Variants in DTNBP1 observed in about 807,000 individuals in gnomAD.
The protein encoded by DTNBP1 is dysbindin.
In DTNBP1, 35 loss-of-function variants were observed where a neutral mutation model predicts 42.8. The observed-to-expected ratio is 0.82, with a 90% CI of 0.63 to 1.09. The LOEUF (loss-of-function observed/expected upper bound fraction) is 1.09, where lower values mean the gene tolerates loss of function less well. Among genes scored for constraint, DTNBP1 ranks in the 50% least tolerant of loss-of-function variants. The probability of loss-of-function intolerance (pLI) is 0.00; values close to 1 mark genes in which losing one functional copy is unlikely to be tolerated. For missense variants in DTNBP1, 457 were observed against 424.2 expected (o/e 1.08, Z -0.68); for synonymous variants, 171 against 162.2 (o/e 1.05, Z -0.41).
chr6:15,541,802 G>C (rs1419813247), intron 7 of DTNBP1, among the ~76,000 whole-genome samples: 1 of 151,906 alleles, frequency 6.6e-6, no homozygotes, highest in Non-Finnish European at 1.5e-5. Flanking sequence ...CAAGATATAT[G>C]AAATTAAAAA....
intron 6 of DTNBP1, among the ~76,000 whole-genome samples, chr6:15,610,162 T>C (rs773392106): frequency 6.6e-6 from 1 of 152,346 alleles, no homozygotes; most frequent in African/African-American, 2.4e-5. Flanking sequence ...GGTGATCACC[T>C]GGCTAAGCGG....
rs1254008774 is a variant in DTNBP1, at chr6:15,623,488, G to A, written c.355+3855C>T. Among the ~76,000 whole-genome samples, 3 of 152,150 alleles carry A rather than the reference G, an allele frequency of 2.0e-5. No homozygotes were observed. In the East Asian group the frequency reaches 5.8e-4, roughly 29 times the overall value. On this transcript the variant is annotated intron_variant, in intron 5 of 9. Transcript: ENST00000344537. Reference sequence around the variant, plus strand: ...CGCTTGAGTCCAGGAATAGTCTGAGGCTGCAGTGAGCTATGATCACATCAC... The same window carrying A: ...CGCTTGAGTCCAGGAATAGTCTGAGACTGCAGTGAGCTATGATCACATCAC...
intron 7 of DTNBP1, among the ~76,000 whole-genome samples, chr6:15,576,929 T>C (rs943109074): frequency 6.6e-6 from 1 of 152,198 alleles, no homozygotes; most frequent in Non-Finnish European, 1.5e-5. Flanking sequence ...CCAATCACTA[T>C]TCTAGGCCCA....
At chr6:15,643,369 ATT>A (rs1201964198) in intron 3 of DTNBP1, among the ~76,000 whole-genome samples, 6 of 152,212 alleles carry the variant, frequency 3.9e-5, no homozygotes, top group Non-Finnish European at 8.8e-5. Flanking sequence ...TGGAAAACAT[ATT>A]TGAGGGAATA....
intron 9 of DTNBP1, chr6:15,523,663 A>G: frequency 7.8e-7 from 1 of 1,287,236 alleles, no homozygotes; most frequent in African/African-American, 1.5e-5. Context: ...GGAACTAAAT[A>G]GGCTCTTCAA....
chr6:15,548,456 C>CACACACAG (rs1193913284), intron 7 of DTNBP1: 2 of 151,472 alleles, frequency 1.3e-5, no homozygotes, highest in African/African-American at 4.9e-5. Context: ...CACACACACA[C>CACACACAG]ACACACACAC....
At chr6:15,650,875 C>T (rs1033860342) in intron 3 of DTNBP1, among the ~76,000 whole-genome samples, 3 of 152,044 alleles carry the variant, frequency 2.0e-5, no homozygotes, top group Non-Finnish European at 2.9e-5. Flanking sequence ...TTGACCAAGT[C>T]CATTGTGTCT....
chr6:15,609,991 T>C lies in DTNBP1; in HGVS notation c.488+5276A>G, dbSNP rs192834067. Among the ~76,000 whole-genome samples the C allele has an allele frequency of 5.3e-5, 8 of 152,296 alleles. No homozygotes were observed. In the East Asian group the frequency reaches 1.5e-3, roughly 29 times the overall value. Reference sequence around the variant, plus strand: ...TGGCTGCCGGAGTTCTGGGACCTACTGGGGAAAAGGGCCTAAACAGTCTTA... The same window carrying C: ...TGGCTGCCGGAGTTCTGGGACCTACCGGGGAAAAGGGCCTAAACAGTCTTA... On this transcript the variant is annotated intron_variant, in intron 6 of 9. Coordinates refer to ENST00000344537, the MANE Select transcript of DTNBP1 (RefSeq NM_032122.5).
intron 6 of DTNBP1, chr6:15,615,020 C>A: frequency 1.7e-6 from 1 of 605,174 alleles, no homozygotes; most frequent in Non-Finnish European, 3.0e-6. Flanking sequence ...AAACTTTGCC[C>A]TGTGCTCCAC....
At chr6:15,553,406 T>C (rs1157523831) in intron 7 of DTNBP1, among the ~76,000 whole-genome samples, 1 of 151,808 alleles carries the variant, frequency 6.6e-6, no homozygotes, top group Non-Finnish European at 1.5e-5. Flanking sequence ...GATATTGTTT[T>C]AAATTCAGAT....
chr6:15,657,041 G>T (rs1282309489), intron 1 of DTNBP1, among the ~76,000 whole-genome samples: 3 of 152,086 alleles, frequency 2.0e-5, no homozygotes, highest in Admixed American at 2.0e-4. Flanking sequence ...GCGAGATCAG[G>T]GAAAAGCCAA....
intron 8 of DTNBP1, among the ~76,000 whole-genome samples, chr6:15,526,425 C>T (rs1381482184): frequency 2.0e-5 from 3 of 152,226 alleles, no homozygotes; most frequent in Non-Finnish European, 4.4e-5. Flanking sequence ...GAAAGTGAGT[C>T]TCATTATCCT....
At chr6:15,647,305 A>G (rs60822608) in intron 3 of DTNBP1, among the ~76,000 whole-genome samples, 19,167 of 151,808 alleles carry the variant, frequency 0.13, 1,352 homozygotes, top group African/African-American at 0.17. Context: ...GATACATACA[A>G]TCTCATGCCA....
At chr6:15,656,679 T>C (rs1761300015) in intron 1 of DTNBP1, among the ~76,000 whole-genome samples, 2 of 152,002 alleles carry the variant, frequency 1.3e-5, no homozygotes, top group East Asian at 1.9e-4. Flanking sequence ...ACCCAGGAGG[T>C]TGAGGCTGCA....
chr6:15,626,151 C>T (rs952626321), intron 5 of DTNBP1, among the ~76,000 whole-genome samples: 3 of 152,144 alleles, frequency 2.0e-5, no homozygotes, highest in Non-Finnish European at 2.9e-5. Flanking sequence ...TGGTTGGAAT[C>T]CTAGATGCAT....
At chr6:15,547,284 A>C (rs1361535816) in intron 7 of DTNBP1, among the ~76,000 whole-genome samples, 1 of 152,220 alleles carries the variant, frequency 6.6e-6, no homozygotes, top group African/African-American at 2.4e-5. Context: ...ATTTGGCAGC[A>C]TCAAAATCAC....
intron 3 of DTNBP1, among the ~76,000 whole-genome samples, chr6:15,644,142 A>G (rs946435690): frequency 4.6e-5 from 7 of 151,306 alleles, no homozygotes; most frequent in African/African-American, 1.7e-4. Context: ...CTACTCTTGT[A>G]TCAGATAAAA....
intron 6 of DTNBP1, among the ~76,000 whole-genome samples, chr6:15,609,560 C>T (rs1758280178): frequency 6.6e-6 from 1 of 152,174 alleles, no homozygotes; most frequent in African/African-American, 2.4e-5. Context: ...ACCTCGTGTT[C>T]CACCCACCTT....
intron 5 of DTNBP1, among the ~76,000 whole-genome samples, chr6:15,622,559 C>A (rs1759100622): frequency 6.6e-6 from 1 of 152,154 alleles, no homozygotes; most frequent in Admixed American, 6.5e-5. Flanking sequence ...CATTTGGTAA[C>A]CAACTTAGGA....
Sources: allele counts gnomAD v4.1 joint callset (sites outside exome capture counted in the v4.1 genomes callset), GRCh38; gene constraint gnomAD v4.1.1; transcripts MANE v1.5; gene names NCBI Gene and HGNC (gene_info 2026-07-23, HGNC 2026-07-21).